Variants in DRC8 observed in about 807,000 individuals in gnomAD.
DRC8 encodes the protein dynein regulatory complex protein 8.
chr1:245,034,860 GTTTTTTT>G, the DRC8 span, among the ~76,000 whole-genome samples: 3 of 136,300 alleles, frequency 2.2e-5, no homozygotes, highest in Admixed American at 2.2e-4. Flanking sequence ...ATAAATGAAA[GTTTTTTT>G]TTTTTTTTTG....
At chr1:245,071,613 A>T in the DRC8 span, among the ~76,000 whole-genome samples, 3 of 152,342 alleles carry the variant, frequency 2.0e-5, no homozygotes, top group Admixed American at 2.0e-4. Context: ...CACATTGCTA[A>T]TAGCAGTAGA....
At chr1:245,100,309 C>T in the DRC8 span, among the ~76,000 whole-genome samples, 2 of 151,872 alleles carry the variant, frequency 1.3e-5, no homozygotes, top group Non-Finnish European at 2.9e-5. Context: ...TGCTTGAACC[C>T]CGGAGGCGGA....
At chr1:245,059,919 T>C in the DRC8 span, among the ~76,000 whole-genome samples, 1 of 152,188 alleles carries the variant, frequency 6.6e-6, no homozygotes, top group East Asian at 1.9e-4. Flanking sequence ...TGTGTAATAG[T>C]GGAGGTGAAT....
chr1:245,002,189 A>G, the DRC8 span: 1 of 1,610,666 alleles, frequency 6.2e-7, no homozygotes. Context: ...TGGAAGGTGG[A>G]AGAAGAGACC....
the DRC8 span, among the ~76,000 whole-genome samples, chr1:245,043,176 A>C: frequency 6.6e-6 from 1 of 152,194 alleles, no homozygotes; most frequent in Non-Finnish European, 1.5e-5. Context: ...TCACGCCTGC[A>C]ATACCAGCAC....
chr1:245,104,185 A>C, the DRC8 span, among the ~76,000 whole-genome samples: 2 of 152,340 alleles, frequency 1.3e-5, no homozygotes, highest in East Asian at 3.9e-4. Flanking sequence ...AGGACTTTCT[A>C]TTAAGAAATG....
chr1:245,042,535 A>C, the DRC8 span, among the ~76,000 whole-genome samples: 2 of 152,222 alleles, frequency 1.3e-5, no homozygotes, highest in East Asian at 3.8e-4. Flanking sequence ...GCCCTCCGTA[A>C]GGGCGAGGTC....
chr1:244,977,726 T>A, the DRC8 span, among the ~76,000 whole-genome samples: 1 of 152,250 alleles, frequency 6.6e-6, no homozygotes, highest in East Asian at 1.9e-4. Context: ...TTTAATATAC[T>A]TCTGGATATT....
chr1:245,023,000 A>C, the DRC8 span: 1 of 152,326 alleles, frequency 6.6e-6, no homozygotes, highest in African/African-American at 2.4e-5. Flanking sequence ...GAAGAGTACA[A>C]TATTTGTCCT....
At chr1:245,000,401 T>C in the DRC8 span, among the ~76,000 whole-genome samples, 1 of 152,208 alleles carries the variant, frequency 6.6e-6, no homozygotes, top group Non-Finnish European at 1.5e-5. Context: ...TTGAGTGTGC[T>C]AACTGAAACT....
At chr1:245,016,061 A>G in the DRC8 span, among the ~76,000 whole-genome samples, 1 of 140,202 alleles carries the variant, frequency 7.1e-6, no homozygotes, top group African/African-American at 2.7e-5. Context: ...GGCTCACTGC[A>G]ACCTCCGCCT....
chr1:245,086,854 T>C, the DRC8 span: 1 of 531,666 alleles, frequency 1.9e-6, no homozygotes, highest in South Asian at 1.4e-5. Flanking sequence ...AACTTGTGCT[T>C]TAACCACTCA....
chr1:244,984,640 G>C, the DRC8 span, among the ~76,000 whole-genome samples: 21 of 152,064 alleles, frequency 1.4e-4, no homozygotes, highest in Admixed American at 7.2e-4. Context: ...TTCGAGACCA[G>C]CCTGGCCAAC....
chr1:245,096,041 TA>T, the DRC8 span, among the ~76,000 whole-genome samples: 8 of 152,264 alleles, frequency 5.3e-5, no homozygotes, highest in African/African-American at 1.9e-4. Context: ...CACAGCAATG[TA>T]CTGAAAGATT....
the DRC8 span, among the ~76,000 whole-genome samples, chr1:245,085,416 A>G: frequency 2.0e-5 from 3 of 152,244 alleles, no homozygotes; most frequent in Non-Finnish European, 4.4e-5. Context: ...GAATGAGTAG[A>G]TGATGAAGAC....
the DRC8 span, among the ~76,000 whole-genome samples, chr1:244,997,978 A>G: frequency 2.6e-5 from 4 of 152,130 alleles, no homozygotes; most frequent in African/African-American, 9.6e-5. Context: ...CTCTTCCACT[A>G]TCATTCTGGG....
the DRC8 span, among the ~76,000 whole-genome samples, chr1:245,055,604 T>A: frequency 6.6e-6 from 1 of 152,178 alleles, no homozygotes; most frequent in Non-Finnish European, 1.5e-5. Context: ...ATTACAGATG[T>A]GAGCCACCGC....
At chr1:245,113,229 G>A in the DRC8 span, among the ~76,000 whole-genome samples, 769 of 152,288 alleles carry the variant, frequency 5.0e-3, 11 homozygotes, top group African/African-American at 0.017. Context: ...AGGCGAGTCA[G>A]CCAAGTAAGA....
At chr1:244,978,711 A>G in the DRC8 span, among the ~76,000 whole-genome samples, 1 of 152,066 alleles carries the variant, frequency 6.6e-6, no homozygotes, top group Non-Finnish European at 1.5e-5. Context: ...GCTAGTCTCA[A>G]ACTCCTGGCC....
Sources: gnomAD v4.1 joint callset for allele counts (sites outside exome capture counted in the v4.1 genomes callset) on GRCh38, gnomAD v4.1.1 for gene constraint, MANE v1.5 for transcripts, NCBI Gene and HGNC (gene_info 2026-07-23, HGNC 2026-07-21) for gene names.